The following CNTNAP3B variants were observed in gnomAD, a reference collection of about 807,000 sequenced individuals.
CNTNAP3B encodes contactin-associated protein-like 3B.
Under a neutral mutation model 108.9 loss-of-function variants are expected in CNTNAP3B, and 25 were observed. The ratio of observed to expected loss-of-function variants is 0.23; its 90% confidence interval spans 0.17 to 0.32. CNTNAP3B has a LOEUF of 0.32. CNTNAP3B is among the 10% of genes least tolerant of loss of function. CNTNAP3B has a pLI of 1.00. For missense variants in CNTNAP3B, 252 were observed against 1,210.4 expected (o/e 0.21, Z 11.75); for synonymous variants, 103 against 473.4 (o/e 0.22, Z 10.16).
At position 42,129,400 on chromosome 9, in the gene CNTNAP3B, G is replaced by A. The variant is rs533281338; in HGVS notation, c.-306C>T. The A allele has an allele frequency of 1.7e-3, 526 of 313,076 alleles. 62 individuals carry two copies. Among genetic ancestry groups the A allele is most frequent in the Middle Eastern group, 3.2e-3 (4 of 1,258 alleles). The allele number at this position is 313,076 out of a possible 1,614,324, so 19.4% of individuals were successfully genotyped here. On this transcript the variant is annotated 5_prime_UTR_variant, in exon 1 of 24. Transcript: ENST00000377561. ...CAGGCGCGTCCCGGACACTAGGCGC[G>A]GGAGGCGGCCGGCACCAACGCGAGT...
chr9:42,095,520 A>C (rs1227889899), intron 2 of CNTNAP3B, among the ~76,000 whole-genome samples: 4 of 139,274 alleles, frequency 2.9e-5, no homozygotes, highest in Non-Finnish European at 4.6e-5. Flanking sequence ...AGGCTAGAGA[A>C]GATACTGACT....
At chr9:42,105,665 C>T (rs1358695257) in intron 1 of CNTNAP3B, among the ~76,000 whole-genome samples, 10 of 84,480 alleles carry the variant, frequency 1.2e-4, no homozygotes, top group African/African-American at 4.4e-4. Context: ...TTTTCCTATG[C>T]GTAGCCATGG....
chr9:41,945,184 C>G (rs1824489518), intron 13 of CNTNAP3B, among the ~76,000 whole-genome samples: 1 of 152,288 alleles, frequency 6.6e-6, no homozygotes, highest in South Asian at 2.1e-4. Context: ...TAAACTAGTT[C>G]AACCATTGTG....
intron 15 of CNTNAP3B, among the ~76,000 whole-genome samples, chr9:41,927,442 A>G (rs1385594185): frequency 6.9e-6 from 1 of 145,290 alleles, no homozygotes; most frequent in Non-Finnish European, 1.5e-5. Context: ...AGAAAGAGAG[A>G]GAAAGAAAGA....
intron 1 of CNTNAP3B, among the ~76,000 whole-genome samples, chr9:42,127,882 C>A (rs577756774): frequency 7.2e-6 from 1 of 139,394 alleles, no homozygotes; most frequent in East Asian, 2.2e-4. Flanking sequence ...CTACGGCAAA[C>A]TTTTCATGAC....
rs1045528333 is a variant in CNTNAP3B at position 41,924,286 on chromosome 9, G to C, written c.2366-193C>G. Among the ~76,000 whole-genome samples the C allele has an allele frequency of 2.0e-5, 3 of 152,428 alleles. No homozygotes were observed. The South Asian group carries it at 6.2e-4, about 32-fold the overall frequency. On this transcript the variant is annotated intron_variant, in intron 15 of 23. Transcript: ENST00000377561. ...TAAATGGTGATTACGCTGAGGATTG[G>C]AATTCTGTGTTCAGAGAAGGCCAAA... is the stretch of plus-strand genomic sequence containing the variant.
rs1434782841 is a variant in CNTNAP3B, at chr9:41,926,110, G to A, written c.2366-2017C>T. 7.2e-5 allele frequency among the ~76,000 whole-genome samples: 11 copies of A among 152,382 alleles called. No homozygotes were observed. In the South Asian group the frequency reaches 1.4e-3, roughly 20 times the overall value. On this transcript the variant is annotated intron_variant, in intron 15 of 23. Transcript: ENST00000377561. ...CTATTATGTATATTAAAATCCATGA[G>A]TTCATGTGGATACCTCCGTTTTTAA... is the stretch of plus-strand genomic sequence containing the variant.
intron 3 of CNTNAP3B, among the ~76,000 whole-genome samples, chr9:42,056,283 A>G (rs1827066137): frequency 7.3e-6 from 1 of 136,262 alleles, no homozygotes; most frequent in Non-Finnish European, 1.6e-5. Context: ...TTTAATTTGC[A>G]TTTCTTTAAC....
At chr9:42,115,439 T>C (rs1828293739) in intron 1 of CNTNAP3B, among the ~76,000 whole-genome samples, 1 of 139,156 alleles carries the variant, frequency 7.2e-6, no homozygotes, top group African/African-American at 2.9e-5. Flanking sequence ...GACCCCTGCG[T>C]AGCCTAACTG....
At chr9:42,094,304 C>G (rs1827855459) in intron 2 of CNTNAP3B, among the ~76,000 whole-genome samples, 1 of 135,408 alleles carries the variant, frequency 7.4e-6, no homozygotes, top group African/African-American at 3.0e-5. Flanking sequence ...GTTTATATAG[C>G]CAGAGAACTA....
intron 1 of CNTNAP3B, among the ~76,000 whole-genome samples, chr9:42,108,476 A>G (rs1828125805): frequency 7.4e-6 from 1 of 135,678 alleles, no homozygotes; most frequent in Admixed American, 7.4e-5. Context: ...CTGGATTCAT[A>G]TTAAAACTTG....
chr9:42,109,378 A>G (rs928515164), intron 1 of CNTNAP3B, among the ~76,000 whole-genome samples: 1 of 148,432 alleles, frequency 6.7e-6, no homozygotes, highest in African/African-American at 2.6e-5. Context: ...CTTCTGGAAA[A>G]GATAAACATA....
At position 42,098,205 on chromosome 9, in the gene CNTNAP3B, C is replaced by T. The variant is rs1217195196; in HGVS notation, c.196+6424G>A. 1.5e-5 allele frequency among the ~76,000 whole-genome samples: 2 copies of T among 136,752 alleles called. 1 individual carries two copies. Among genetic ancestry groups the T allele is most frequent in the Non-Finnish European group, 3.1e-5 (2 of 64,304 alleles). 89.7% of individuals were successfully genotyped at this position (136,752 alleles called of 152,430 possible). A position where few individuals can be genotyped will look rare whatever the true frequency, so the allele number is the denominator to read the frequency against. On this transcript the variant is annotated intron_variant, in intron 2 of 23. Transcript: ENST00000377561. The stretch of plus-strand genomic sequence containing the variant: ...TCTGTGTGTGTGTCTACATAGCAAA[C>T]TTACTTCCTCAGAGAAGCAGAAACT...
chr9:41,923,241 CAA>C (rs1156913590), intron 16 of CNTNAP3B, among the ~76,000 whole-genome samples: 2 of 146,996 alleles, frequency 1.4e-5, no homozygotes, highest in East Asian at 3.9e-4. Flanking sequence ...ACAAACGGCT[CAA>C]AGTCTCATCT....
At chr9:41,995,946 G>T (rs1825891588) in intron 7 of CNTNAP3B, among the ~76,000 whole-genome samples, 1 of 144,920 alleles carries the variant, frequency 6.9e-6, no homozygotes, top group Non-Finnish European at 1.5e-5. Context: ...TGAGGCAGGA[G>T]AATTGCTTGA....
At chr9:41,933,793 C>T (rs1250254348) in intron 14 of CNTNAP3B, among the ~76,000 whole-genome samples, 1 of 152,264 alleles carries the variant, frequency 6.6e-6, no homozygotes, top group Non-Finnish European at 1.5e-5. Context: ...CTGACACATG[C>T]ATGAGCTTTT....
Position 42,056,346 on chromosome 9 carries a change from T to TATG in CNTNAP3B, c.390+20522_390+20523insCAT, listed in dbSNP as rs1212303332. On this transcript the variant is annotated intron_variant, in intron 3 of 23. Transcript: ENST00000377561. ...TGAATTTTATTATTATTATTATTAT[T>TATG]ATTATTATTATTATTATTATTTGAG... Among the ~76,000 whole-genome samples, 15 of 139,008 alleles carry TATG rather than the reference T, an allele frequency of 1.1e-4. 2 individuals carry two copies. The highest frequency in any genetic ancestry group is 1.7e-4 in the Non-Finnish European group (11 of 64,826). The allele number at this position is 139,008 out of a possible 152,430, so 91.2% of individuals were successfully genotyped here.
At chr9:42,126,200 T>A (rs1427332646) in intron 1 of CNTNAP3B, among the ~76,000 whole-genome samples, 304 of 124,718 alleles carry the variant, frequency 2.4e-3, no homozygotes, top group Middle Eastern at 3.7e-3. Flanking sequence ...TTGAGGCAAT[T>A]AAAATTAAAA....
intron 11 of CNTNAP3B, 57 bp downstream of exon 11, chr9:41,964,481 T>C (rs1825203968): frequency 1.4e-6 from 2 of 1,418,748 alleles, no homozygotes; most frequent in African/African-American, 1.5e-5. Context: ...AAACAACTAA[T>C]CAAAATGAAA....
Sources: allele counts gnomAD v4.1 joint callset (sites outside exome capture counted in the v4.1 genomes callset), GRCh38; gene constraint gnomAD v4.1.1; transcripts MANE v1.5; gene names NCBI Gene and HGNC (gene_info 2026-07-23, HGNC 2026-07-21).